The following BCAS3 variants were observed in gnomAD, a reference collection of about 807,000 sequenced individuals.
BCAS3 encodes the protein BCAS4/BCAS3 fusion.
BCAS3 carries 53 observed loss-of-function variants against 116.1 expected under a neutral mutation model. That is an observed-to-expected ratio of 0.46 (90% confidence interval 0.37 to 0.57). The LOEUF is 0.57. Ranked by LOEUF, BCAS3 falls within the 20% of genes least tolerant of loss-of-function variation. BCAS3 has a pLI of 0.00. For synonymous variants in BCAS3, 391 were observed against 408.2 expected (o/e 0.96, Z 0.51); for missense variants, 917 against 1,165.4 (o/e 0.79, Z 3.10).
At chr17:60,803,298 G>A (rs1417122626) in intron 6 of BCAS3, among the ~76,000 whole-genome samples, 3 of 152,148 alleles carry the variant, frequency 2.0e-5, no homozygotes, top group Non-Finnish European at 2.9e-5. Context: ...GCATCGATGT[G>A]TTTTTCAGAT....
At chr17:60,936,886 G>C (rs1167738243) in intron 13 of BCAS3, among the ~76,000 whole-genome samples, 1 of 152,200 alleles carries the variant, frequency 6.6e-6, no homozygotes, top group Non-Finnish European at 1.5e-5. Context: ...TGTCAGTTTT[G>C]GCTTTTGTTG....
chr17:60,818,390 T>C (rs1274172015), intron 7 of BCAS3, among the ~76,000 whole-genome samples: 1 of 152,166 alleles, frequency 6.6e-6, no homozygotes, highest in African/African-American at 2.4e-5. Context: ...CATCCTGAAG[T>C]GGTACTGCAG....
chr17:60,881,547 G>A (rs908478546), intron 9 of BCAS3, among the ~76,000 whole-genome samples: 28 of 149,828 alleles, frequency 1.9e-4, no homozygotes, highest in Non-Finnish European at 3.6e-4. Flanking sequence ...CCACTAACTC[G>A]TCATCTAGCA....
chr17:61,323,054 T>C lies in BCAS3; in HGVS notation c.2426-45273T>C, dbSNP rs541012170. ...TTTGAAAGTGCCACAGTTAATTTGA[T>C]TGAGCTGCTAAGCAGTTGGTTTAAA... is the stretch of plus-strand genomic sequence containing the variant. On this transcript the variant is annotated intron_variant, in intron 22 of 23. Transcript: ENST00000407086. The surrounding 1 kb of genome is among the most constrained non-coding windows in gnomAD (Gnocchi z 4.6). 6.6e-6 allele frequency among the ~76,000 whole-genome samples: 1 copy of C among 151,954 alleles called. No individual in the cohort carries two copies. The highest frequency in any genetic ancestry group is 2.4e-5 in the African/African-American group (1 of 41,392).
chr17:61,199,103 A>G lies in BCAS3; in HGVS notation c.2425+114539A>G, dbSNP rs1006855201. ...TGAGCTTAGTTAAAGCAATTCTTGT[A>G]TCTTTGTTTTATATTTTTTAACCTT... On this transcript the variant is annotated intron_variant, in intron 22 of 23. Coordinates refer to ENST00000407086, the MANE Select transcript of BCAS3 (RefSeq NM_017679.5). The surrounding 1 kb of genome is among the most constrained non-coding windows in gnomAD (Gnocchi z 4.6). Among the ~76,000 whole-genome samples, 2 of 152,170 alleles carry G rather than the reference A, an allele frequency of 1.3e-5. No homozygotes were observed. Among genetic ancestry groups the G allele is most frequent in the Admixed American group, 6.5e-5 (1 of 15,274 alleles).
chr17:60,727,032 T>G (rs1326904126), intron 5 of BCAS3: 1 of 246,118 alleles, frequency 4.1e-6, no homozygotes, highest in East Asian at 9.3e-5. Context: ...ACAGATACCT[T>G]TTAAAAAACA....
At chr17:60,881,178 G>T (rs2056107035) in intron 9 of BCAS3, among the ~76,000 whole-genome samples, 1 of 152,060 alleles carries the variant, frequency 6.6e-6, no homozygotes, top group Admixed American at 6.5e-5. Flanking sequence ...ATTTCACTGT[G>T]TTAGCCAGGA....
intron 7 of BCAS3, among the ~76,000 whole-genome samples, chr17:60,866,526 T>C (rs1005486736): frequency 6.6e-6 from 1 of 152,244 alleles, no homozygotes; most frequent in Non-Finnish European, 1.5e-5. Context: ...ATTTATTTAG[T>C]TTTTGGATAT....
Position 61,134,652 on chromosome 17 carries a change from T to C in BCAS3, c.2425+50088T>C, listed in dbSNP as rs2076522828. ...TGATTGTAATGACATTTCAAGTTAA[T>C]GATAGCTAGCATTGATGGAGCCTGT... On this transcript the variant is annotated intron_variant, in intron 22 of 23. Coordinates refer to ENST00000407086, the MANE Select transcript of BCAS3 (RefSeq NM_017679.5). The surrounding 1 kb of genome is among the most constrained non-coding windows in gnomAD (Gnocchi z 4.6). Among the ~76,000 whole-genome samples, 1 of 152,262 alleles carries C rather than the reference T, an allele frequency of 6.6e-6. No individual in the cohort carries two copies. Among genetic ancestry groups the C allele is most frequent in the Non-Finnish European group, 1.5e-5 (1 of 68,048 alleles).
At position 60,995,593 on chromosome 17, in the gene BCAS3, C is replaced by T. The variant is rs1054451066; in HGVS notation, c.1486+5358C>T. Among the ~76,000 whole-genome samples, 1 of 152,082 alleles carries T rather than the reference C, an allele frequency of 6.6e-6. No individual in the cohort carries two copies. The highest frequency in any genetic ancestry group is 1.5e-5 in the Non-Finnish European group (1 of 68,020). ...GATTACAAGCGTGAACCACCGCGCC[C>T]GACCAGTTTCTAAGGCTTTAAACCA... On this transcript the variant is annotated intron_variant, in intron 15 of 23. Coordinates refer to ENST00000407086, the MANE Select transcript of BCAS3 (RefSeq NM_017679.5). The surrounding 1 kb of genome is among the most constrained non-coding windows in gnomAD (Gnocchi z 4.7).
At position 61,204,888 on chromosome 17, in the gene BCAS3, C is replaced by CA. The variant is rs1158569744; in HGVS notation, c.2425+120330dup. On this transcript the variant is annotated intron_variant, in intron 22 of 23. Transcript: ENST00000407086. This position sits in a 1 kb window ranked among gnomAD's most constrained non-coding sequence, Gnocchi z 4.2. ...GCAACAGGGCAAAACACCTTCTCAA[C>CA]AAAAAATATAGAAATTAGCCTGGCG... Among the ~76,000 whole-genome samples, 1 of 152,038 alleles carries CA rather than the reference C, an allele frequency of 6.6e-6. No homozygotes were observed. Among genetic ancestry groups the CA allele is most frequent in the Admixed American group, 6.6e-5 (1 of 15,252 alleles).
rs971124050 is a variant in BCAS3 at position 61,077,465 on chromosome 17, G to A, written c.2131-868G>A. On this transcript the variant is annotated intron_variant, in intron 20 of 23. Coordinates refer to ENST00000407086, the MANE Select transcript of BCAS3 (RefSeq NM_017679.5). This position sits in a 1 kb window ranked among gnomAD's most constrained non-coding sequence, Gnocchi z 4.3. ...CCAGGAGGCGGAGCTTGCAGTGAGCGGAGATCACGCCACTGCACTCCAGTC... is the reference window on the plus strand; with the variant it reads ...CCAGGAGGCGGAGCTTGCAGTGAGCAGAGATCACGCCACTGCACTCCAGTC... 1.8e-4 allele frequency among the ~76,000 whole-genome samples: 27 copies of A among 152,146 alleles called. No homozygotes were observed. Among genetic ancestry groups the A allele is most frequent in the African/African-American group, 5.8e-4 (24 of 41,530 alleles).
chr17:61,035,183 T>C (rs1424657571), intron 17 of BCAS3, among the ~76,000 whole-genome samples: 3 of 152,154 alleles, frequency 2.0e-5, no homozygotes, highest in Non-Finnish European at 4.4e-5. Flanking sequence ...CAAGTTTAAA[T>C]ATCTTAGCTA....
At chr17:61,048,986 G>A (rs2068594368) in intron 19 of BCAS3, among the ~76,000 whole-genome samples, 1 of 152,032 alleles carries the variant, frequency 6.6e-6, no homozygotes, top group South Asian at 2.1e-4. Flanking sequence ...ACCACAGTGT[G>A]TGAGGAGAAA....
intron 14 of BCAS3, among the ~76,000 whole-genome samples, chr17:60,954,250 G>T (rs1024386273): frequency 3.3e-5 from 5 of 152,102 alleles, no homozygotes; most frequent in African/African-American, 1.2e-4. Flanking sequence ...GTACCATACT[G>T]TTTTGCTTAC....
intron 4 of BCAS3, among the ~76,000 whole-genome samples, chr17:60,697,468 A>C (rs2035745359): frequency 6.6e-6 from 1 of 151,730 alleles, no homozygotes; most frequent in East Asian, 1.9e-4. Context: ...CCGTAATCCC[A>C]GCTACTTGGG....
At chr17:60,965,414 G>A (rs1217794468) in intron 14 of BCAS3, among the ~76,000 whole-genome samples, 2 of 151,918 alleles carry the variant, frequency 1.3e-5, no homozygotes, top group Non-Finnish European at 2.9e-5. Flanking sequence ...TAGAGATGGA[G>A]TTTCACCATG....
chr17:60,963,555 ATTTT>A, intron 14 of BCAS3, among the ~76,000 whole-genome samples: 1 of 126,058 alleles, frequency 7.9e-6, no homozygotes, highest in Admixed American at 7.8e-5. Flanking sequence ...AATGCTATCG[ATTTT>A]TTTTTTTTTT....
At chr17:60,909,048 A>C (rs1244419077) in intron 11 of BCAS3, among the ~76,000 whole-genome samples, 2 of 152,034 alleles carry the variant, frequency 1.3e-5, no homozygotes, top group African/African-American at 2.4e-5. Flanking sequence ...ATTTTACTTA[A>C]CTTCCCTAGC....
Sources: allele counts gnomAD v4.1 joint callset (sites outside exome capture counted in the v4.1 genomes callset), GRCh38; gene constraint gnomAD v4.1.1; non-coding constraint Gnocchi (gnomAD v3.1); transcripts MANE v1.5; gene names NCBI Gene and HGNC (gene_info 2026-07-23, HGNC 2026-07-21).